DRD3: variants seen among roughly 807,000 people sequenced by gnomAD.
DRD3 encodes the protein dopamine receptor D3.
A neutral mutation model predicts 36.3 loss-of-function variants in DRD3; 19 were observed. The observed-to-expected ratio is 0.52, with a 90% CI of 0.36 to 0.77. The LOEUF (loss-of-function observed/expected upper bound fraction) is 0.77, where lower values mean the gene tolerates loss of function less well. Among genes scored for constraint, DRD3 ranks in the 30% least tolerant of loss-of-function variants. The pLI, the probability that DRD3 is intolerant of heterozygous loss-of-function variation, is 0.00. For missense variants in DRD3, 465 were observed against 505.3 expected (o/e 0.92, Z 0.77); for synonymous variants, 195 against 203.7 (o/e 0.96, Z 0.36).
chr3:114,168,192 C>G (rs1382035000), intron 2 of DRD3, among the ~76,000 whole-genome samples: 1 of 152,196 alleles, frequency 6.6e-6, no homozygotes, highest in Non-Finnish European at 1.5e-5. Flanking sequence ...TCAAAATACT[C>G]TATCAGTTGA....
chr3:114,169,312 G>T (rs1342379395), intron 2 of DRD3, among the ~76,000 whole-genome samples: 1 of 150,034 alleles, frequency 6.7e-6, no homozygotes, highest in Non-Finnish European at 1.5e-5. Flanking sequence ...TTCTTCACTG[G>T]CTTTAGGGCC....
rs201570903 is a variant in DRD3 at position 114,159,878 on chromosome 3, G to A, written c.271-11C>T. 38 of 1,612,984 alleles carry A rather than the reference G, an allele frequency of 2.4e-5. No individual in the cohort carries two copies. Among genetic ancestry groups the A allele is most frequent in the Non-Finnish European group, 3.2e-5 (38 of 1,178,952 alleles). On this transcript the variant is annotated splice_polypyrimidine_tract_variant and intron_variant, in intron 2 of 6. Transcript: ENST00000383673. Reference sequence around the variant, plus strand: ...GACTCCACCTGTCACCTGGGTATCAGAGACAAGGATGTTAGTGTTTACCCC... The same window carrying A: ...GACTCCACCTGTCACCTGGGTATCAAAGACAAGGATGTTAGTGTTTACCCC...
intron 1 of DRD3, among the ~76,000 whole-genome samples, chr3:114,173,713 C>T (rs2077869485): frequency 6.6e-6 from 1 of 152,126 alleles, no homozygotes; most frequent in Admixed American, 6.5e-5. Flanking sequence ...CAAACTTGGC[C>T]TTCCATGTTG....
intron 1 of DRD3, among the ~76,000 whole-genome samples, chr3:114,195,483 A>G (rs1463926837): frequency 6.6e-6 from 1 of 152,316 alleles, no homozygotes; most frequent in East Asian, 1.9e-4. Context: ...TAAAATTATG[A>G]AAATATTTCC....
At chr3:114,166,873 C>G (rs2077790547) in intron 2 of DRD3, among the ~76,000 whole-genome samples, 1 of 152,138 alleles carries the variant, frequency 6.6e-6, no homozygotes, top group Non-Finnish European at 1.5e-5. Flanking sequence ...GCCCTTCCAG[C>G]TTTAATATTC....
intron 2 of DRD3, among the ~76,000 whole-genome samples, chr3:114,161,769 C>A (rs1437651988): frequency 1.3e-5 from 2 of 152,230 alleles, no homozygotes; most frequent in East Asian, 3.9e-4. Context: ...TTTAGGGGAA[C>A]CAAGAGAATA....
chr3:114,172,167 A>T (rs2077852372), intron 1 of DRD3, 140 bp from the exon 2 acceptor site: 1 of 627,094 alleles, frequency 1.6e-6, no homozygotes, highest in Non-Finnish European at 2.4e-6. Flanking sequence ...AGAGTTGGAG[A>T]TAGAGCAATG....
chr3:114,187,208 T>C (rs2077980379), intron 1 of DRD3, among the ~76,000 whole-genome samples: 1 of 152,276 alleles, frequency 6.6e-6, no homozygotes, highest in Non-Finnish European at 1.5e-5. Context: ...AAAAATGTTC[T>C]CTAAGATTAG....
intron 4 of DRD3, among the ~76,000 whole-genome samples, chr3:114,141,866 A>G (rs2077527223): frequency 6.6e-6 from 1 of 152,030 alleles, no homozygotes; most frequent in Non-Finnish European, 1.5e-5. Flanking sequence ...CCTGACCAAC[A>G]TGGTGAAACC....
At chr3:114,133,656 T>C (rs2077450722) in intron 5 of DRD3, among the ~76,000 whole-genome samples, 1 of 152,212 alleles carries the variant, frequency 6.6e-6, no homozygotes, top group African/African-American at 2.4e-5. Flanking sequence ...TTGGGATGAG[T>C]AGCCTCTGAG....
At chr3:114,169,569 G>A (rs1483746450) in intron 2 of DRD3, among the ~76,000 whole-genome samples, 2 of 151,994 alleles carry the variant, frequency 1.3e-5, no homozygotes, top group Non-Finnish European at 2.9e-5. Flanking sequence ...AGAGGGCATA[G>A]TATTATGGTT....
chr3:114,153,885 T>C (rs1467018483), intron 3 of DRD3, among the ~76,000 whole-genome samples: 1 of 152,188 alleles, frequency 6.6e-6, no homozygotes. Context: ...TTAGCAATAA[T>C]GAATGAAGAG....
Position 114,139,541 on chromosome 3 carries a change from T to G in DRD3, c.682A>C (p.Asn228His). The change falls in exon 5 of 7, where the codon AAC becomes CAC. Residue 228 changes from asparagine to histidine, a missense_variant. Physicochemically the swap from Asn to His is moderately conservative, Grantham distance 68 (BLOSUM62 1). Coordinates refer to ENST00000383673, the MANE Select transcript of DRD3 (RefSeq NM_000796.6). ...RRRKRILTRQ[N>H]SQCNSVRPGF... ...GGCCTGACACTGTTGCACTGACTGTTCTGTCGAGTGAGGATCCTTTTCCGT... is the reference window on the plus strand; with the variant it reads ...GGCCTGACACTGTTGCACTGACTGTGCTGTCGAGTGAGGATCCTTTTCCGT... The G allele has an allele frequency of 1.2e-6, 2 of 1,614,056 alleles. No individual in the cohort carries two copies. Among genetic ancestry groups the G allele is most frequent in the South Asian group, 1.1e-5 (1 of 91,062 alleles).
At chr3:114,165,484 A>G (rs2077775046) in intron 2 of DRD3, among the ~76,000 whole-genome samples, 1 of 152,182 alleles carries the variant, frequency 6.6e-6, no homozygotes, top group Non-Finnish European at 1.5e-5. Flanking sequence ...TGTGATTTCT[A>G]CTGGTGACAC....
At chr3:114,155,785 C>T (rs1271257912) in intron 3 of DRD3, among the ~76,000 whole-genome samples, 1 of 151,886 alleles carries the variant, frequency 6.6e-6, no homozygotes, top group Non-Finnish European at 1.5e-5. Flanking sequence ...TCAGGAACTA[C>T]GAGGGCTGAG....
chr3:114,154,334 T>C (rs935103979), intron 3 of DRD3, among the ~76,000 whole-genome samples: 8 of 151,802 alleles, frequency 5.3e-5, no homozygotes, highest in African/African-American at 1.9e-4. Context: ...GATGTGTGTG[T>C]GTGTGTGTGT....
intron 2 of DRD3, among the ~76,000 whole-genome samples, chr3:114,164,047 C>G (rs1449112050): frequency 6.6e-6 from 1 of 150,572 alleles, no homozygotes; most frequent in African/African-American, 2.4e-5. Flanking sequence ...GTGGTGAAAC[C>G]CTGTCTCTAC....
chr3:114,147,337 G>A, intron 4 of DRD3, 78 bp downstream of exon 4: 1 of 1,556,070 alleles, frequency 6.4e-7, no homozygotes, highest in Non-Finnish European at 8.8e-7. Flanking sequence ...AAATTGCAGG[G>A]CTGAGCACAA....
intron 4 of DRD3, among the ~76,000 whole-genome samples, chr3:114,144,699 C>G (rs2077555540): frequency 1.3e-5 from 2 of 152,090 alleles, no homozygotes; most frequent in South Asian, 4.1e-4. Context: ...ACCATAACAC[C>G]AGCTAATATC....
Sources: allele counts gnomAD v4.1 joint callset (sites outside exome capture counted in the v4.1 genomes callset), GRCh38; gene constraint gnomAD v4.1.1; transcripts MANE v1.5; gene names NCBI Gene and HGNC (gene_info 2026-07-23, HGNC 2026-07-21).